CDH12: variants seen among roughly 807,000 people sequenced by gnomAD.
CDH12 encodes cadherin-12.
CDH12 carries 41 observed loss-of-function variants against 74.1 expected under a neutral mutation model. That is an observed-to-expected ratio of 0.55 (90% confidence interval 0.43 to 0.72). The LOEUF (loss-of-function observed/expected upper bound fraction) is 0.72, where lower values mean the gene tolerates loss of function less well. Among genes scored for constraint, CDH12 ranks in the 30% least tolerant of loss-of-function variants. The probability of loss-of-function intolerance (pLI) is 0.00; values close to 1 mark genes in which losing one functional copy is unlikely to be tolerated. For synonymous variants in CDH12, 399 were observed against 355.0 expected, an observed-to-expected ratio of 1.12 and a Z score of -1.39; for missense variants, 945 against 977.2, an observed-to-expected ratio of 0.97 and a Z score of 0.44.
At chr5:22,049,835 C>A (rs1740229757) in intron 5 of CDH12, among the ~76,000 whole-genome samples, 1 of 152,106 alleles carries the variant, frequency 6.6e-6, no homozygotes, top group Admixed American at 6.6e-5. Context: ...ATGCCAAAGT[C>A]TTCATAGATT....
chr5:22,144,956 A>C (rs1747061627), intron 4 of CDH12, among the ~76,000 whole-genome samples: 2 of 152,108 alleles, frequency 1.3e-5, no homozygotes, highest in African/African-American at 4.8e-5. Context: ...ATTTAACTGA[A>C]TGCCCAGATG....
chr5:22,007,904 G>T (rs1358541623), intron 5 of CDH12, among the ~76,000 whole-genome samples: 1 of 151,924 alleles, frequency 6.6e-6, no homozygotes, highest in East Asian at 1.9e-4. Context: ...TCTATTTTCA[G>T]TTGCAAAGGA....
intron 5 of CDH12, among the ~76,000 whole-genome samples, chr5:22,064,697 A>G (rs1741440587): frequency 6.6e-6 from 1 of 152,176 alleles, no homozygotes; most frequent in Non-Finnish European, 1.5e-5. Context: ...TAATGTATAA[A>G]ATGGGCTGGC....
chr5:22,588,028 A>G (rs1249202898), intron 1 of CDH12, among the ~76,000 whole-genome samples: 1 of 149,572 alleles, frequency 6.7e-6, no homozygotes, highest in Non-Finnish European at 1.5e-5. Context: ...TCCATATTAT[A>G]TATATACACA....
intron 1 of CDH12, among the ~76,000 whole-genome samples, chr5:22,725,788 A>G (rs548999358): frequency 9.9e-4 from 151 of 151,922 alleles, no homozygotes; most frequent in African/African-American, 3.6e-3. Flanking sequence ...GTAGATGCAT[A>G]TTCTTTTAAG....
intron 3 of CDH12, among the ~76,000 whole-genome samples, chr5:22,297,432 T>A (rs1737679976): frequency 6.6e-6 from 1 of 152,226 alleles, no homozygotes; most frequent in African/African-American, 2.4e-5. Flanking sequence ...TGCTTTAAAT[T>A]ATGCAAAGGC....
At chr5:21,804,774 T>A (rs1747340877) in intron 9 of CDH12, among the ~76,000 whole-genome samples, 3 of 151,794 alleles carry the variant, frequency 2.0e-5, no homozygotes, top group Admixed American at 2.0e-4. Context: ...TGCCTCTCAA[T>A]TCATTCAACA....
intron 6 of CDH12, among the ~76,000 whole-genome samples, chr5:21,925,753 G>A (rs1408474814): frequency 2.0e-5 from 3 of 151,730 alleles, no homozygotes; most frequent in East Asian, 1.9e-4. Context: ...TTTATATTAC[G>A]GGACATTGTT....
chr5:22,469,802 C>G (rs1745882987), intron 2 of CDH12, among the ~76,000 whole-genome samples: 1 of 152,078 alleles, frequency 6.6e-6, no homozygotes, highest in Admixed American at 6.6e-5. Context: ...ATGATGGGAC[C>G]AAAGTCAATG....
intron 3 of CDH12, among the ~76,000 whole-genome samples, chr5:22,324,854 A>G (rs1739018954): frequency 1.3e-5 from 2 of 152,214 alleles, no homozygotes; most frequent in Non-Finnish European, 2.9e-5. Context: ...GTAATCAAAT[A>G]TAATAGTTCA....
At chr5:22,113,175 A>G (rs1744909551) in intron 4 of CDH12, among the ~76,000 whole-genome samples, 1 of 152,208 alleles carries the variant, frequency 6.6e-6, no homozygotes, top group Admixed American at 6.5e-5. Flanking sequence ...GAGACAAGGA[A>G]GAAAATGAAA....
intron 1 of CDH12, among the ~76,000 whole-genome samples, chr5:22,812,752 G>T (rs903771091): frequency 6.6e-5 from 10 of 152,156 alleles, no homozygotes; most frequent in African/African-American, 2.2e-4. Flanking sequence ...AAACTTTGTA[G>T]TATTTGACTA....
intron 4 of CDH12, among the ~76,000 whole-genome samples, chr5:22,176,863 C>G (rs891207104): frequency 1.3e-5 from 2 of 152,102 alleles, no homozygotes; most frequent in Non-Finnish European, 2.9e-5. Flanking sequence ...ACTTCCCTCA[C>G]TATCCTGCAG....
At chr5:22,301,053 G>A (rs1042390718) in intron 3 of CDH12, among the ~76,000 whole-genome samples, 4 of 20,288 alleles carry the variant, frequency 2.0e-4, no homozygotes, top group Non-Finnish European at 4.0e-4. Context: ...CATAATAGCA[G>A]TGAAGGTATT....
chr5:22,280,851 G>A (rs145038192), intron 3 of CDH12, among the ~76,000 whole-genome samples: 3,851 of 152,168 alleles, frequency 0.025, 71 homozygotes, highest in African/African-American at 0.052. Flanking sequence ...GAAAAAGAGC[G>A]AATCCTCCCT....
chr5:22,407,939 G>A (rs1743007695), intron 2 of CDH12, among the ~76,000 whole-genome samples: 1 of 152,062 alleles, frequency 6.6e-6, no homozygotes, highest in African/African-American at 2.4e-5. Context: ...GTACTGTGTA[G>A]AAATAGCCTA....
intron 1 of CDH12, among the ~76,000 whole-genome samples, chr5:22,732,666 C>A (rs1275376314): frequency 6.6e-6 from 1 of 151,758 alleles, no homozygotes; most frequent in Non-Finnish European, 1.5e-5. Context: ...AAGGAGAATG[C>A]TGAGTGAAGA....
intron 1 of CDH12, among the ~76,000 whole-genome samples, chr5:22,538,616 T>C (rs1035996049): frequency 6.6e-6 from 1 of 152,190 alleles, no homozygotes; most frequent in Non-Finnish European, 1.5e-5. Flanking sequence ...TCACACCCAT[T>C]TGAAGAACCA....
chr5:21,778,466 C>CAAAAAA (rs70957061), intron 11 of CDH12, among the ~76,000 whole-genome samples: 25 of 52,610 alleles, frequency 4.8e-4, no homozygotes, highest in African/African-American at 1.8e-3. Flanking sequence ...GCATATAAGC[C>CAAAAAA]AAAAAAAAAA....
Sources: allele counts gnomAD v4.1 joint callset (sites outside exome capture counted in the v4.1 genomes callset), GRCh38; gene constraint gnomAD v4.1.1; transcripts MANE v1.5; gene names NCBI Gene and HGNC (gene_info 2026-07-23, HGNC 2026-07-21).